Variants in FREM3 observed in about 807,000 individuals in gnomAD.
FREM3 encodes FRAS1-related extracellular matrix protein 3.
FREM3 carries 105 observed loss-of-function variants against 129.1 expected under a neutral mutation model. The observed-to-expected ratio is 0.81, with a 90% CI of 0.69 to 0.96. FREM3 has a LOEUF of 0.96. Ranked by LOEUF, FREM3 falls within the 40% of genes least tolerant of loss-of-function variation. The pLI is 0.00. For missense variants in FREM3, 2,593 were observed against 2,666.3 expected, an observed-to-expected ratio of 0.97 and a Z score of 0.61; for synonymous variants, 1,014 against 1,044.9, an observed-to-expected ratio of 0.97 and a Z score of 0.57.
At chr4:143,691,686 C>A (rs1740473636) in intron 2 of FREM3, among the ~76,000 whole-genome samples, 1 of 152,136 alleles carries the variant, frequency 6.6e-6, no homozygotes, top group Non-Finnish European at 1.5e-5. Context: ...GATCAAAAGT[C>A]ATAATGTCTT....
At chr4:143,609,120 C>T (rs1738713868) in intron 6 of FREM3, among the ~76,000 whole-genome samples, 1 of 152,122 alleles carries the variant, frequency 6.6e-6, no homozygotes, top group Non-Finnish European at 1.5e-5. Context: ...CCACAGATAG[C>T]TTGACCTAGC....
chr4:143,623,845 C>G (rs1356134756), intron 4 of FREM3, among the ~76,000 whole-genome samples: 1 of 152,124 alleles, frequency 6.6e-6, no homozygotes, highest in Non-Finnish European at 1.5e-5. Context: ...CTATGGCGTG[C>G]AGAAAGCCTG....
Position 143,700,671 on chromosome 4 carries a change from G to A in FREM3, c.5C>T (p.Ala2Val). M[A>V]GASRHPTGTP... is the part of the protein sequence containing the mutation. ...CCCAGTCGGGTGCCGAGAAGCCCCC[G>A]CCATGGCCACGGATGGCTCCTGGCG... The change falls in exon 1 of 8, where the codon GCG becomes GTG. Residue 2 changes from alanine (A) to valine (V), a missense_variant. Around this residue, in one of 2 missense-constraint regions of FREM3, gnomAD observed 2,276 missense variants for 2,267.2 expected, o/e 1.00. Transcript: ENST00000329798. The A allele has an allele frequency of 7.0e-7, 1 of 1,426,668 alleles. No homozygotes were observed. The highest frequency in any genetic ancestry group is 9.1e-7 in the Non-Finnish European group (1 of 1,095,486). 88.4% of individuals were successfully genotyped at this position (1,426,668 alleles called of 1,614,324 possible).
chr4:143,693,066 G>T, intron 2 of FREM3, 47 bp downstream of exon 2: 2 of 1,009,000 alleles, frequency 2.0e-6, no homozygotes, highest in Middle Eastern at 2.5e-4. Context: ...ATTTTATGTT[G>T]ATTTTAGTTA....
Position 143,697,770 on chromosome 4 carries a change from A to C in FREM3, c.2906T>G (p.Met969Arg). Reference protein sequence around the residue: ...VLENKATEITMGVIHGKRKDV... With the variant: ...VLENKATEITRGVIHGKRKDV... ...CTTCCTTTTGCCATGGATGACACCC[A>C]TGGTAATTTCAGTGGCTTTATTCTC... The change falls in exon 1 of 8, where the codon ATG becomes AGG. Residue 969 changes from methionine (M) to arginine (R), a missense_variant. Met to Arg is a moderately conservative substitution (Grantham distance 91). Coordinates refer to ENST00000329798, the MANE Select transcript of FREM3 (RefSeq NM_001168235.2). The C allele has an allele frequency of 6.5e-7, 1 of 1,537,614 alleles. No homozygotes were observed. Among genetic ancestry groups the C allele is most frequent in the Non-Finnish European group, 8.7e-7 (1 of 1,146,994 alleles).
chr4:143,693,132 A>ATAGAAGATGTCCTTTGAT lies in FREM3; in HGVS notation c.5238_5255dup (p.Phe1751_Tyr1752insTer). ...ACTTACCATTGTCTTCAACAGAGAAATAGAAGATGTCCTTTGATGCGTTGC... is the reference window on the plus strand; with the variant it reads ...ACTTACCATTGTCTTCAACAGAGAAATAGAAGATGTCCTTTGATTAGAAGATGTCCTTTGATGCGTTGC... On this transcript the variant is annotated stop_gained, in exon 2 of 8. Coordinates refer to ENST00000329798, the MANE Select transcript of FREM3 (RefSeq NM_001168235.2). LOFTEE classifies it high-confidence loss of function. The ATAGAAGATGTCCTTTGAT allele has an allele frequency of 6.6e-7, 1 of 1,506,020 alleles. No homozygotes were observed. Among genetic ancestry groups the ATAGAAGATGTCCTTTGAT allele is most frequent in the Non-Finnish European group, 8.9e-7 (1 of 1,124,670 alleles). 93.3% of individuals were successfully genotyped at this position (1,506,020 alleles called of 1,614,324 possible).
At position 143,585,954 on chromosome 4, in the gene FREM3, T is replaced by C. The variant is rs764931403; in HGVS notation, c.6068A>G (p.Asn2023Ser). 3.9e-5 allele frequency: 60 copies of C among 1,537,558 alleles called. No homozygotes were observed. Among genetic ancestry groups the C allele is most frequent in the Non-Finnish European group, 4.8e-5 (55 of 1,147,014 alleles). ...AACCTCCACGTAGCGAGCACTTTCA[T>C]TGACGTGATATTCAGCATCCCCAAA... is the stretch of plus-strand genomic sequence containing the variant. The part of the protein sequence containing the change: ...LHFGDAEYHV[N>S]ESARYVEVCV... The change falls in exon 7 of 8, where the codon AAT becomes AGT. Residue 2023 changes from asparagine (N) to serine (S), a missense_variant. Physicochemically the swap from Asn to Ser is conservative, Grantham distance 46. Around this residue, in one of 2 missense-constraint regions of FREM3, gnomAD observed 317 missense variants for 399.0 expected, o/e 0.79. Coordinates refer to ENST00000329798, the MANE Select transcript of FREM3 (RefSeq NM_001168235.2). The surrounding 1 kb of genome is among the most constrained non-coding windows in gnomAD (Gnocchi z 4.2).
intron 6 of FREM3, among the ~76,000 whole-genome samples, chr4:143,586,446 C>A (rs1738245949): frequency 6.6e-6 from 1 of 151,996 alleles, no homozygotes; most frequent in Non-Finnish European, 1.5e-5. Context: ...TATGGCTATG[C>A]CTTTTCTTAG....
chr4:143,659,086 T>C (rs1009620367), intron 2 of FREM3, among the ~76,000 whole-genome samples: 2 of 78,936 alleles, frequency 2.5e-5, no homozygotes, highest in Non-Finnish European at 5.8e-5. Context: ...TTTATTATTT[T>C]TATTTATTAT....
chr4:143,640,237 G>A (rs551477605), intron 2 of FREM3, among the ~76,000 whole-genome samples: 1 of 152,248 alleles, frequency 6.6e-6, no homozygotes, highest in South Asian at 2.1e-4. Context: ...TACTCCAAGT[G>A]TCTTTTCACT....
chr4:143,695,760 G>T lies in FREM3; in HGVS notation c.4916C>A (p.Ala1639Asp). The T allele has an allele frequency of 6.5e-7, 1 of 1,537,296 alleles. No individual in the cohort carries two copies. Among genetic ancestry groups the T allele is most frequent in the Non-Finnish European group, 8.7e-7 (1 of 1,146,918 alleles). ...TACTTGAGGTTTGTGTGTCGCCAGG[G>T]CAGTGTCTGGTAGGACATAGAAATC... ...HTDFYVLPDT[A>D]LATHKPQVMR... The change falls in exon 1 of 8, where the codon GCC becomes GAC. Residue 1639 changes from alanine (A) to aspartate (D), a missense_variant. Physicochemically the swap from Ala to Asp is moderately radical, Grantham distance 126 (BLOSUM62 -2). Around this residue, in one of 2 missense-constraint regions of FREM3, gnomAD observed 2,276 missense variants for 2,267.2 expected, o/e 1.00. Coordinates refer to ENST00000329798, the MANE Select transcript of FREM3 (RefSeq NM_001168235.2).
At chr4:143,654,852 C>A (rs145778530) in intron 2 of FREM3, among the ~76,000 whole-genome samples, 82 of 152,292 alleles carry the variant, frequency 5.4e-4, no homozygotes, top group African/African-American at 1.8e-3. Context: ...TGTGTTCATT[C>A]TATTATGTCA....
At chr4:143,631,732 T>C (rs1346559814) in intron 2 of FREM3, among the ~76,000 whole-genome samples, 1 of 152,126 alleles carries the variant, frequency 6.6e-6, no homozygotes, top group African/African-American at 2.4e-5. Context: ...GAATTCTCTT[T>C]GCAGAGAAGG....
At chr4:143,652,146 C>CTT (rs1030414098) in intron 2 of FREM3, among the ~76,000 whole-genome samples, 2,186 of 58,528 alleles carry the variant, frequency 0.037, 657 homozygotes, top group East Asian at 0.28. Context: ...TTTTTCCTTT[C>CTT]TTTTTTTTTT....
intron 4 of FREM3, among the ~76,000 whole-genome samples, chr4:143,621,639 T>C (rs1345068221): frequency 6.6e-6 from 1 of 152,244 alleles, no homozygotes; most frequent in Non-Finnish European, 1.5e-5. Flanking sequence ...TTTAATATGC[T>C]GAGAAAAATA....
chr4:143,653,751 C>T (rs1739550893), intron 2 of FREM3, among the ~76,000 whole-genome samples: 1 of 152,180 alleles, frequency 6.6e-6, no homozygotes, highest in Non-Finnish European at 1.5e-5. Flanking sequence ...ACTCAAAATA[C>T]TGATGCCCAG....
At chr4:143,616,724 C>T (rs962623266) in intron 5 of FREM3, among the ~76,000 whole-genome samples, 3 of 151,200 alleles carry the variant, frequency 2.0e-5, no homozygotes, top group East Asian at 2.0e-4. Flanking sequence ...ACCCGGGAGG[C>T]GGAGCTTGCA....
rs1334816214 is a variant in FREM3, at chr4:143,695,353, G to A, written c.5185+138C>T. 4 of 723,464 alleles carry A rather than the reference G, an allele frequency of 5.5e-6. No individual in the cohort carries two copies. The Admixed American group carries it at 1.3e-4, about 24-fold the overall frequency. 44.8% of individuals were successfully genotyped at this position (723,464 alleles called of 1,614,324 possible). ...TGTTGCCTTTTTTGTTTTTGGAATA[G>A]TTTCACGCTTCACTGTATTTTATTA... On this transcript the variant is annotated intron_variant, in intron 1 of 7. Coordinates refer to ENST00000329798, the MANE Select transcript of FREM3 (RefSeq NM_001168235.2).
At chr4:143,581,992 C>T (rs1394962495) in intron 7 of FREM3, among the ~76,000 whole-genome samples, 1 of 152,056 alleles carries the variant, frequency 6.6e-6, no homozygotes, top group East Asian at 1.9e-4. Flanking sequence ...TGTGAGCTTC[C>T]TGCACTCCCT....
Sources: gnomAD v4.1 joint callset for allele counts (sites outside exome capture counted in the v4.1 genomes callset) on GRCh38, gnomAD v4.1.1 for gene constraint, gnomAD v4.1.1 regional missense constraint, Gnocchi (gnomAD v3.1) non-coding constraint, MANE v1.5 for transcripts, NCBI Gene and HGNC (gene_info 2026-07-23, HGNC 2026-07-21) for gene names.